SPAG16: variants seen among roughly 807,000 people sequenced by gnomAD.
SPAG16 encodes the protein sperm-associated antigen 16 protein.
Under a neutral mutation model 80.4 loss-of-function variants are expected in SPAG16, and 86 were observed. The observed-to-expected ratio is 1.07, with a 90% CI of 0.90 to 1.28. SPAG16 has a LOEUF of 1.28. Ranked by LOEUF, SPAG16 falls within the 50% of genes most tolerant of loss-of-function variation. The probability of loss-of-function intolerance (pLI) is 0.00; values close to 1 mark genes in which losing one functional copy is unlikely to be tolerated. For synonymous variants in SPAG16, 294 were observed against 265.9 expected (o/e 1.11, Z -1.03); for missense variants, 870 against 765.3 (o/e 1.14, Z -1.61).
At chr2:213,678,156 A>G (rs1298638250) in intron 10 of SPAG16, among the ~76,000 whole-genome samples, 3 of 152,158 alleles carry the variant, frequency 2.0e-5, no homozygotes, top group African/African-American at 7.2e-5. Context: ...AATGCCCACA[A>G]GAGAAAGCAG....
intron 9 of SPAG16, among the ~76,000 whole-genome samples, chr2:213,474,402 A>G (rs764905784): frequency 3.5e-4 from 54 of 152,294 alleles, no homozygotes; most frequent in South Asian, 6.2e-4. Flanking sequence ...TGGGAGATAG[A>G]ATCCCTGGGT....
intron 10 of SPAG16, among the ~76,000 whole-genome samples, chr2:213,808,693 C>T (rs2071928336): frequency 6.6e-6 from 1 of 152,000 alleles, no homozygotes; most frequent in Non-Finnish European, 1.5e-5. Flanking sequence ...TACTGTTTTG[C>T]TTTTGTTTAT....
chr2:213,949,169 G>GTTTTTTTTTTTTTTTTTTTTT (rs767648099), intron 12 of SPAG16, among the ~76,000 whole-genome samples: 1 of 56,724 alleles, frequency 1.8e-5, no homozygotes, highest in Admixed American at 2.7e-4. Flanking sequence ...AATTACAACA[G>GTTTTTTTTTTTTTTTTTTTTT]TTTTTTTTTT....
At chr2:213,942,484 T>C (rs1432380704) in intron 12 of SPAG16, among the ~76,000 whole-genome samples, 1 of 152,214 alleles carries the variant, frequency 6.6e-6, no homozygotes, top group African/African-American at 2.4e-5. Flanking sequence ...CACCACCAAA[T>C]CCATCAATGA....
chr2:213,764,891 G>A (rs780686094), intron 10 of SPAG16, among the ~76,000 whole-genome samples: 46 of 152,142 alleles, frequency 3.0e-4, no homozygotes, highest in Non-Finnish European at 5.6e-4. Flanking sequence ...ATTATGAGAA[G>A]GATATTTTAT....
chr2:214,121,888 CATG>C (rs2054237918), intron 14 of SPAG16, among the ~76,000 whole-genome samples: 1 of 151,690 alleles, frequency 6.6e-6, no homozygotes, highest in Non-Finnish European at 1.5e-5. Flanking sequence ...GTCCTATCCC[CATG>C]ATATTACATT....
chr2:214,331,656 G>A lies in SPAG16; in HGVS notation c.1721-78484G>A, dbSNP rs548189753. Among the ~76,000 whole-genome samples, 10 of 151,160 alleles carry A rather than the reference G, an allele frequency of 6.6e-5. No homozygotes were observed. In the East Asian group the frequency reaches 1.2e-3, roughly 18 times the overall value. ...ATTGAATGCTGGAGAATGGTACCCCGTCCAAGCAAAATATTCTCTCTAATC... is the reference window on the plus strand; with the variant it reads ...ATTGAATGCTGGAGAATGGTACCCCATCCAAGCAAAATATTCTCTCTAATC... On this transcript the variant is annotated intron_variant, in intron 15 of 15. Transcript: ENST00000331683.
At chr2:214,290,103 T>C (rs989159603) in intron 15 of SPAG16, among the ~76,000 whole-genome samples, 1 of 152,250 alleles carries the variant, frequency 6.6e-6, no homozygotes, top group South Asian at 2.1e-4. Flanking sequence ...TACTCACAAT[T>C]GGTATGTTCA....
intron 10 of SPAG16, among the ~76,000 whole-genome samples, chr2:213,573,798 C>T: frequency 6.6e-6 from 1 of 152,150 alleles, no homozygotes; most frequent in South Asian, 2.1e-4. Context: ...TTTCTAAGCA[C>T]TCCCAGAAGC....
Position 213,416,697 on chromosome 2 carries a change from A to C in SPAG16, c.942+41578A>C, listed in dbSNP as rs368606944. Among the ~76,000 whole-genome samples, 6 of 152,168 alleles carry C rather than the reference A, an allele frequency of 3.9e-5. No homozygotes were observed. The East Asian group carries it at 9.6e-4, about 24-fold the overall frequency. ...GGCTATCCCGGGGTGGGGGCTAAAG[A>C]GGAGCGTTTTGTATTCTTATATGAG... On this transcript the variant is annotated intron_variant, in intron 9 of 15. Coordinates refer to ENST00000331683, the MANE Select transcript of SPAG16 (RefSeq NM_024532.5).
intron 12 of SPAG16, among the ~76,000 whole-genome samples, chr2:213,986,143 TTA>T (rs773455915): frequency 1.3e-5 from 2 of 151,974 alleles, no homozygotes; most frequent in Non-Finnish European, 2.9e-5. Flanking sequence ...TTTTCTAGGG[TTA>T]TATGGAAAGA....
chr2:213,593,265 T>G (rs1367904431), intron 10 of SPAG16, among the ~76,000 whole-genome samples: 1 of 152,178 alleles, frequency 6.6e-6, no homozygotes, highest in Non-Finnish European at 1.5e-5. Flanking sequence ...CAGTGCATTT[T>G]TCTGTAAGTC....
intron 11 of SPAG16, among the ~76,000 whole-genome samples, chr2:213,898,720 G>A (rs1268595275): frequency 5.3e-5 from 8 of 152,098 alleles, no homozygotes; most frequent in African/African-American, 1.9e-4. Context: ...TGGTTTAAAT[G>A]AATAAATTTG....
chr2:213,465,645 C>G (rs925963375), intron 9 of SPAG16, among the ~76,000 whole-genome samples: 1 of 152,184 alleles, frequency 6.6e-6, no homozygotes, highest in African/African-American at 2.4e-5. Flanking sequence ...TAGAAGACAG[C>G]AGTCCTGCCA....
intron 10 of SPAG16, among the ~76,000 whole-genome samples, chr2:213,556,312 C>CAAAAA (rs35010847): frequency 7.1e-5 from 8 of 112,822 alleles, no homozygotes; most frequent in East Asian, 2.6e-4. Context: ...AAAAAAAAAC[C>CAAAAA]AAAAAAAAAA....
intron 15 of SPAG16, chr2:214,241,370 A>C (rs1295353240): frequency 6.6e-6 from 1 of 152,214 alleles, no homozygotes; most frequent in African/African-American, 2.4e-5. Flanking sequence ...AAAAAAAAAA[A>C]AAAAAAGAGG....
chr2:213,324,365 C>T lies in SPAG16; in HGVS notation c.536+7009C>T, dbSNP rs79520696. ...GCAAACGGATAAACTCTTAAACATC[C>T]ACATTCATCTCAAGGTAGAACATTT... On this transcript the variant is annotated intron_variant, in intron 5 of 15. Transcript: ENST00000331683. 2.0e-5 allele frequency among the ~76,000 whole-genome samples: 3 copies of T among 152,164 alleles called. No individual in the cohort carries two copies. The East Asian group carries it at 5.8e-4, about 29-fold the overall frequency.
chr2:214,172,730 G>T (rs1264999647), intron 15 of SPAG16, among the ~76,000 whole-genome samples: 1 of 151,954 alleles, frequency 6.6e-6, no homozygotes, highest in Non-Finnish European at 1.5e-5. Flanking sequence ...GTGTAAAAGT[G>T]TTCCTATTTC....
chr2:214,181,677 A>G (rs933720953), intron 15 of SPAG16, among the ~76,000 whole-genome samples: 1 of 151,830 alleles, frequency 6.6e-6, no homozygotes, highest in Non-Finnish European at 1.5e-5. Flanking sequence ...TTTAAATTCC[A>G]TAAAGCAAAG....
Sources: allele counts gnomAD v4.1 joint callset (sites outside exome capture counted in the v4.1 genomes callset), GRCh38; gene constraint gnomAD v4.1.1; transcripts MANE v1.5; gene names NCBI Gene and HGNC (gene_info 2026-07-23, HGNC 2026-07-21).